The following CDH18 variants were observed in gnomAD, a reference collection of about 807,000 sequenced individuals.
The protein encoded by CDH18 is cadherin-18.
A neutral mutation model predicts 67.9 loss-of-function variants in CDH18; 31 were observed. That is an observed-to-expected ratio of 0.46 (90% CI 0.34 to 0.62). The LOEUF is 0.62. Among genes scored for constraint, CDH18 ranks in the 20% least tolerant of loss-of-function variants. The pLI, the probability that CDH18 is intolerant of heterozygous loss-of-function variation, is 0.01. For missense variants in CDH18, 890 were observed against 975.5 expected, an observed-to-expected ratio of 0.91 and a Z score of 1.17; for synonymous variants, 362 against 347.2, an observed-to-expected ratio of 1.04 and a Z score of -0.48.
chr5:20,457,874 A>G (rs1475297938), intron 1 of CDH18, among the ~76,000 whole-genome samples: 1 of 152,176 alleles, frequency 6.6e-6, no homozygotes, highest in Non-Finnish European at 1.5e-5. Context: ...ATGGGAAGGG[A>G]AGCATAAAAA....
At chr5:20,394,235 T>C (rs1293710737) in intron 1 of CDH18, among the ~76,000 whole-genome samples, 2 of 145,060 alleles carry the variant, frequency 1.4e-5, no homozygotes, top group Admixed American at 6.8e-5. Flanking sequence ...GAAGAGAATA[T>C]AGAATCCCCC....
intron 1 of CDH18, among the ~76,000 whole-genome samples, chr5:20,432,564 T>G (rs1267166274): frequency 4.6e-5 from 7 of 152,114 alleles, no homozygotes; most frequent in Non-Finnish European, 8.8e-5. Context: ...AAAAGTAATT[T>G]GGAAGGACAA....
intron 1 of CDH18, among the ~76,000 whole-genome samples, chr5:20,504,050 A>G (rs199594484): frequency 4.8e-4 from 54 of 111,516 alleles, no homozygotes; most frequent in Middle Eastern, 0.01. Context: ...AAAAAAAAAA[A>G]AGAGAGAGAG....
In CDH18 at chr5:19,699,221, T is replaced by C. The variant is rs191978929; in HGVS notation, c.643+22126A>G. On this transcript the variant is annotated intron_variant, in intron 5 of 12. Coordinates refer to ENST00000382275, the MANE Select transcript of CDH18 (RefSeq NM_004934.5). ...CATCATTAATCTCTTATTACACTCATATTTTGCATTAGGTTATATATCCTC... is the reference window on the plus strand; with the variant it reads ...CATCATTAATCTCTTATTACACTCACATTTTGCATTAGGTTATATATCCTC... Among the ~76,000 whole-genome samples the C allele has an allele frequency of 5.6e-3, 858 of 152,276 alleles. 2 individuals are homozygous for C. The highest frequency in any genetic ancestry group is 0.017 in the Middle Eastern group (5 of 294).
intron 2 of CDH18, among the ~76,000 whole-genome samples, chr5:19,976,565 C>T (rs571578804): frequency 6.6e-6 from 1 of 152,090 alleles, no homozygotes; most frequent in African/African-American, 2.4e-5. Context: ...GGCTCTATTA[C>T]TCAGGCATAT....
chr5:20,414,551 C>G (rs911353058), intron 1 of CDH18, among the ~76,000 whole-genome samples: 1 of 152,040 alleles, frequency 6.6e-6, no homozygotes, highest in African/African-American at 2.4e-5. Flanking sequence ...CAATAGTAGC[C>G]CAAACCCCAG....
intron 5 of CDH18, among the ~76,000 whole-genome samples, chr5:19,650,178 C>T (rs1290093247): frequency 1.3e-5 from 2 of 151,954 alleles, no homozygotes; most frequent in Non-Finnish European, 2.9e-5. Context: ...AAAGCTGCCT[C>T]TTGATGGTGG....
rs559345973 is a variant in CDH18 at position 20,063,876 on chromosome 5, T to G, written c.-517-71862A>C. ...AATAAATGTTGTCTGGACACTCGTC[T>G]GTCTTCACAATTTGACACCATTGTG... On this transcript the variant is annotated intron_variant, in intron 2 of 14. Transcript: ENST00000507958. 7.2e-5 allele frequency among the ~76,000 whole-genome samples: 11 copies of G among 152,300 alleles called. No individual in the cohort carries two copies. The South Asian group carries it at 2.3e-3, about 32-fold the overall frequency.
chr5:20,419,667 C>G (rs1356762279), intron 1 of CDH18, among the ~76,000 whole-genome samples: 1 of 149,994 alleles, frequency 6.7e-6, no homozygotes, highest in African/African-American at 2.5e-5. Flanking sequence ...TTGGTAGAGA[C>G]GGGGTTTCAC....
At chr5:19,694,824 A>T (rs574853460) in intron 5 of CDH18, among the ~76,000 whole-genome samples, 1 of 151,490 alleles carries the variant, frequency 6.6e-6, no homozygotes, top group African/African-American at 2.4e-5. Context: ...ATCACAGCTG[A>T]GACTGCGCCA....
In CDH18 at chr5:19,970,135, A is replaced by C. The variant is rs1797884995; in HGVS notation, c.-257+10925T>G. The stretch of plus-strand genomic sequence containing the variant: ...ATGGTCAGTAAAGAACCATTGAGAA[A>C]CACCTACTGCTCCAGGGCAGCAAGA... On this transcript the variant is annotated intron_variant, in intron 2 of 12. Coordinates refer to ENST00000382275, the MANE Select transcript of CDH18 (RefSeq NM_004934.5). Among the ~76,000 whole-genome samples the C allele has an allele frequency of 4.6e-5, 7 of 151,946 alleles. No homozygotes were observed. The South Asian group carries it at 1.5e-3, about 31-fold the overall frequency.
intron 2 of CDH18, among the ~76,000 whole-genome samples, chr5:19,968,473 T>C (rs1046739991): frequency 5.3e-5 from 8 of 152,022 alleles, no homozygotes; most frequent in Admixed American, 3.3e-4. Context: ...CAAAATAGCA[T>C]GGTACTGGTA....
chr5:19,767,510 G>A (rs1416845761), intron 3 of CDH18, among the ~76,000 whole-genome samples: 1 of 151,890 alleles, frequency 6.6e-6, no homozygotes, highest in Non-Finnish European at 1.5e-5. Context: ...TTTTATTAAT[G>A]GATATTATTA....
chr5:20,518,847 C>T (rs1221095588), intron 1 of CDH18, among the ~76,000 whole-genome samples: 4 of 152,040 alleles, frequency 2.6e-5, no homozygotes, highest in African/African-American at 7.2e-5. Flanking sequence ...ATCAGGATTC[C>T]ACTAAGAAAA....
chr5:20,171,732 T>A (rs567243902), intron 2 of CDH18, among the ~76,000 whole-genome samples: 3 of 152,098 alleles, frequency 2.0e-5, no homozygotes, highest in Non-Finnish European at 4.4e-5. Context: ...TGGATGCCAT[T>A]TGTCAATTTT....
intron 1 of CDH18, among the ~76,000 whole-genome samples, chr5:20,280,506 C>T (rs539206287): frequency 1.1e-3 from 168 of 152,220 alleles, no homozygotes; most frequent in African/African-American, 3.9e-3. Context: ...TGGTTTCCAG[C>T]TTCATCCATG....
At position 19,721,447 on chromosome 5, in the gene CDH18, C is replaced by T. The variant is rs750797045; in HGVS notation, c.543G>A (p.Val181=). 80 of 1,611,738 alleles carry T rather than the reference C, an allele frequency of 5.0e-5. No individual in the cohort carries two copies. The highest frequency in any genetic ancestry group is 6.4e-5 in the Non-Finnish European group (76 of 1,178,334). ...TAGGGTCATCTGCATCAGTAGCTGT[C>T]ACCTGTAGAACAGAGGTACCTGTGC... is the stretch of plus-strand genomic sequence containing the variant. ...MSDMGTSVLQ[V]TATDADDPTY... The change falls in exon 5 of 13, where the codon GTG becomes GTA. Residue 181 remains valine (V), a synonymous_variant. Coordinates refer to ENST00000382275, the MANE Select transcript of CDH18 (RefSeq NM_004934.5).
At chr5:19,721,989 T>C (rs1225998504) in intron 4 of CDH18, among the ~76,000 whole-genome samples, 3 of 152,220 alleles carry the variant, frequency 2.0e-5, no homozygotes, top group African/African-American at 7.2e-5. Flanking sequence ...ATTCTTTTTA[T>C]TTATTACCTG....
chr5:19,978,408 CTA>C (rs1798709529), intron 2 of CDH18, among the ~76,000 whole-genome samples: 1 of 152,018 alleles, frequency 6.6e-6, no homozygotes, highest in South Asian at 2.1e-4. Flanking sequence ...AAATAACATT[CTA>C]TATGTTTCTC....
Sources: allele counts gnomAD v4.1 joint callset (sites outside exome capture counted in the v4.1 genomes callset), GRCh38; gene constraint gnomAD v4.1.1; transcripts MANE v1.5; gene names NCBI Gene and HGNC (gene_info 2026-07-23, HGNC 2026-07-21).